Variants in SCYL2 observed in about 807,000 individuals in gnomAD.
The protein encoded by SCYL2 is SCY1 like pseudokinase 2.
SCYL2 carries 36 observed loss-of-function variants against 100.4 expected under a neutral mutation model. The observed-to-expected ratio is 0.36, with a 90% CI of 0.27 to 0.47. SCYL2 has a LOEUF of 0.47. Among genes scored for constraint, SCYL2 ranks in the 20% least tolerant of loss-of-function variants. The pLI is 1.00. For synonymous variants in SCYL2, 330 were observed against 359.2 expected (o/e 0.92, Z 0.92); for missense variants, 902 against 1,083.9 (o/e 0.83, Z 2.36).
At chr12:100,324,412 C>T (rs181044959) in intron 11 of SCYL2, among the ~76,000 whole-genome samples, 27 of 152,136 alleles carry the variant, frequency 1.8e-4, no homozygotes, top group Non-Finnish European at 2.9e-4. Flanking sequence ...TTTTTGATAA[C>T]GGACATATTA....
intron 4 of SCYL2, among the ~76,000 whole-genome samples, chr12:100,304,247 C>G (rs574246350): frequency 6.6e-6 from 1 of 152,006 alleles, no homozygotes; most frequent in Non-Finnish European, 1.5e-5. Context: ...GCTTCAGCCT[C>G]CTTTCCAGGG....
At position 100,335,644 on chromosome 12, in the gene SCYL2, CAAAT is replaced by C. The variant is rs1356136325; in HGVS notation, c.1883_1886del (p.Gln628ArgfsTer7). 2.5e-6 allele frequency: 4 copies of C among 1,607,112 alleles called. No homozygotes were observed. The highest frequency in any genetic ancestry group is 3.4e-5 in the Admixed American group (2 of 59,568). On this transcript the variant is annotated frameshift_variant, in exon 15 of 18. Coordinates refer to ENST00000360820, the MANE Select transcript of SCYL2 (RefSeq NM_017988.6). LOFTEE classifies it high-confidence loss of function. Reference sequence around the variant, plus strand: ...CTACAGATCTTTGGATATAGGAAATCAAATGAATGTTTCTGAGGAGATGAAAGTT... The same window carrying C: ...CTACAGATCTTTGGATATAGGAAATCGAATGTTTCTGAGGAGATGAAAGTT...
At chr12:100,308,724 C>T (rs535750979) in intron 4 of SCYL2, among the ~76,000 whole-genome samples, 4 of 152,284 alleles carry the variant, frequency 2.6e-5, no homozygotes, top group African/African-American at 7.2e-5. Context: ...GTCCCCAGAA[C>T]ACTTTGGTCC....
chr12:100,325,325 A>C (rs1308531656), intron 11 of SCYL2, among the ~76,000 whole-genome samples: 1 of 152,210 alleles, frequency 6.6e-6, no homozygotes, highest in Non-Finnish European at 1.5e-5. Context: ...ATTGCTGCCC[A>C]GTTATATGTA....
intron 5 of SCYL2, among the ~76,000 whole-genome samples, chr12:100,312,092 A>G (rs569008613): frequency 6.6e-6 from 1 of 152,334 alleles, no homozygotes; most frequent in East Asian, 1.9e-4. Context: ...CTAATTAGTG[A>G]AAGAACAAAT....
At chr12:100,293,682 G>T (rs947615627) in intron 3 of SCYL2, among the ~76,000 whole-genome samples, 1 of 151,928 alleles carries the variant, frequency 6.6e-6, no homozygotes, top group Non-Finnish European at 1.5e-5. Context: ...GCAGCCTTCC[G>T]CAGTGTTTGT....
intron 10 of SCYL2, among the ~76,000 whole-genome samples, chr12:100,322,632 G>T (rs2096357394): frequency 6.6e-6 from 1 of 151,870 alleles, no homozygotes; most frequent in Non-Finnish European, 1.5e-5. Context: ...GCCAAGGTAG[G>T]TGGATCACCT....
At chr12:100,272,332 CTT>C (rs1271827040) in intron 1 of SCYL2, among the ~76,000 whole-genome samples, 1 of 152,090 alleles carries the variant, frequency 6.6e-6, no homozygotes, top group Non-Finnish European at 1.5e-5. Context: ...TATTTGGACT[CTT>C]AGGTTTCTTA....
At chr12:100,275,637 ATTCT>A (rs1359811488) in intron 1 of SCYL2, among the ~76,000 whole-genome samples, 1 of 152,162 alleles carries the variant, frequency 6.6e-6, no homozygotes, top group Non-Finnish European at 1.5e-5. Flanking sequence ...AATAAATTGT[ATTCT>A]TTCTTTGCAG....
At chr12:100,268,018 G>A (rs532607750) in intron 1 of SCYL2, among the ~76,000 whole-genome samples, 2 of 152,314 alleles carry the variant, frequency 1.3e-5, no homozygotes, top group African/African-American at 4.8e-5. Context: ...GGAGGGTTTA[G>A]ACCGATAAAG....
Position 100,329,250 on chromosome 12 carries a change from G to A in SCYL2, c.1692G>A (p.Glu564=). 1 of 1,610,286 alleles carries A rather than the reference G, an allele frequency of 6.2e-7. No homozygotes were observed. The highest frequency in any genetic ancestry group is 1.1e-5 in the South Asian group (1 of 90,938). ...FTHKKLGITK[E]QLAGKVLPHL... is the part of the protein sequence containing the mutation. ...ATAAGAAGTTGGGAATCACCAAAGA[G>A]CAGCTGGCCGGAAAAGTGTTGCCTC... Residue 564 remains glutamate, a synonymous_variant, in exon 13 of 18, where the codon GAG becomes GAA. Coordinates refer to ENST00000360820, the MANE Select transcript of SCYL2 (RefSeq NM_017988.6).
chr12:100,315,114 TC>T (rs1170863918), intron 8 of SCYL2, among the ~76,000 whole-genome samples: 2 of 152,348 alleles, frequency 1.3e-5, no homozygotes, highest in African/African-American at 4.8e-5. Context: ...TTTGTCTGAC[TC>T]TTTACTTAGA....
At chr12:100,330,462 A>G (rs1952195147) in intron 13 of SCYL2, among the ~76,000 whole-genome samples, 1 of 152,240 alleles carries the variant, frequency 6.6e-6, no homozygotes, top group Admixed American at 6.5e-5. Flanking sequence ...TTATAGCCCC[A>G]GCACTTAGTG....
intron 4 of SCYL2, among the ~76,000 whole-genome samples, chr12:100,301,546 G>A (rs1369691513): frequency 6.6e-6 from 1 of 152,198 alleles, no homozygotes. Flanking sequence ...ACCTGTACTT[G>A]TAGGGCATTA....
At chr12:100,318,487 C>T (rs962812890) in intron 10 of SCYL2, among the ~76,000 whole-genome samples, 22 of 152,074 alleles carry the variant, frequency 1.4e-4, no homozygotes, top group Non-Finnish European at 2.4e-4. Context: ...CCTGTCACCA[C>T]ACCCGGCTAA....
intron 13 of SCYL2, chr12:100,333,622 A>G (rs1325117322): frequency 2.6e-5 from 4 of 152,466 alleles, no homozygotes; most frequent in Non-Finnish European, 2.9e-5. Context: ...AGCTTAAACT[A>G]TGTTAAGACA....
Position 100,282,998 on chromosome 12 carries a change from A to G in SCYL2, c.28A>G (p.Ser10Gly). MESMLNKLK[S>G]TVTKVTADVT... ...GGAGTCCATGCTTAATAAATTGAAG[A>G]GTACTGTTACAAAAGTAACAGCTGA... The change falls in exon 2 of 18, where the codon AGT (serine) becomes GGT (glycine). Residue 10 changes from serine to glycine, a missense_variant. Physicochemically the swap from Ser to Gly is moderately conservative, Grantham distance 56. Transcript: ENST00000360820. 6.2e-7 allele frequency: 1 copy of G among 1,606,686 alleles called. No homozygotes were observed. Among genetic ancestry groups the G allele is most frequent in the Non-Finnish European group, 8.5e-7 (1 of 1,177,318 alleles).
At chr12:100,298,236 T>A in intron 4 of SCYL2, 61 bp downstream of exon 4, 1 of 1,208,416 alleles carries the variant, frequency 8.3e-7, no homozygotes, top group Non-Finnish European at 1.1e-6. Context: ...GTTTTGGCAT[T>A]TCAAACTTAT....
At chr12:100,308,736 T>A (rs1222985529) in intron 4 of SCYL2, among the ~76,000 whole-genome samples, 1 of 152,170 alleles carries the variant, frequency 6.6e-6, no homozygotes, top group Non-Finnish European at 1.5e-5. Context: ...CTTTGGTCCA[T>A]GGTGCAGAGG....
Sources: allele counts gnomAD v4.1 joint callset (sites outside exome capture counted in the v4.1 genomes callset), GRCh38; gene constraint gnomAD v4.1.1; transcripts MANE v1.5; gene names NCBI Gene and HGNC (gene_info 2026-07-23, HGNC 2026-07-21).